LRRC17: variants seen among roughly 807,000 people sequenced by gnomAD.
The protein encoded by LRRC17 is leucine rich repeat containing 17.
In LRRC17, 33 loss-of-function variants were observed where a neutral mutation model predicts 41.5. That is an observed-to-expected ratio of 0.80 (90% CI 0.60 to 1.06). The LOEUF is 1.06. Ranked by LOEUF, LRRC17 falls within the 50% of genes least tolerant of loss-of-function variation. The pLI is 0.00. For synonymous variants in LRRC17, 192 were observed against 197.0 expected (o/e 0.97, Z 0.21); for missense variants, 491 against 519.3 (o/e 0.95, Z 0.53).
Position 102,937,265 on chromosome 7 carries a change from C to T in LRRC17, c.773-2165C>T, listed in dbSNP as rs145536631. On this transcript the variant is annotated intron_variant, in intron 2 of 3. Transcript: ENST00000339431. Reference sequence around the variant, plus strand: ...CTATAATCCCAGCACTTTGGGAGGCCGAGGCAGGTGGGACACTTGAGGTCA... The same window carrying T: ...CTATAATCCCAGCACTTTGGGAGGCTGAGGCAGGTGGGACACTTGAGGTCA... Among the ~76,000 whole-genome samples, 73 of 151,320 alleles carry T rather than the reference C, an allele frequency of 4.8e-4. 1 individual carries two copies. The East Asian group carries it at 0.011, about 23-fold the overall frequency.
At chr7:102,913,759 A>C (rs1815249610) in intron 1 of LRRC17, among the ~76,000 whole-genome samples, 1 of 152,228 alleles carries the variant, frequency 6.6e-6, no homozygotes. Context: ...AATAGGTTTA[A>C]ATATGCATGA....
intron 2 of LRRC17, 34 bp from the exon 3 acceptor site, chr7:102,939,396 A>G (rs1184076303): frequency 1.9e-6 from 3 of 1,568,972 alleles, no homozygotes; most frequent in Admixed American, 1.8e-5. Flanking sequence ...GGGCAAAAAG[A>G]GCATAATAAC....
In LRRC17 at chr7:102,944,725, A is replaced by C; in HGVS notation, c.*118A>C. 2.3e-6 allele frequency: 2 copies of C among 877,460 alleles called. No individual in the cohort carries two copies. The highest frequency in any genetic ancestry group is 3.4e-6 in the Non-Finnish European group (2 of 591,312). The allele number at this position is 877,460 out of a possible 1,614,324, so 54.4% of individuals were successfully genotyped here. A position where few individuals can be genotyped will look rare whatever the true frequency, so the allele number is the denominator to read the frequency against. ...TATGCAGGGTAATCCAGCTAAAGGA[A>C]GCTTTCTTTAATTATAAGTATTATT... On this transcript the variant is annotated 3_prime_UTR_variant, in exon 4 of 4. Transcript: ENST00000339431.
chr7:102,940,183 C>T (rs180812229), intron 3 of LRRC17, among the ~76,000 whole-genome samples: 2 of 150,928 alleles, frequency 1.3e-5, no homozygotes, highest in South Asian at 2.1e-4. Context: ...CATGAGCCAC[C>T]GCGCCTGGCC....
At chr7:102,933,668 C>G in intron 1 of LRRC17, 106 bp from the exon 2 acceptor site, 1 of 305,846 alleles carries the variant, frequency 3.3e-6, no homozygotes, top group Non-Finnish European at 6.0e-6. Context: ...CGTCACTGTT[C>G]TGTGGAACTA....
intron 1 of LRRC17, among the ~76,000 whole-genome samples, chr7:102,920,261 T>C (rs1169393983): frequency 6.6e-6 from 1 of 152,224 alleles, no homozygotes; most frequent in East Asian, 1.9e-4. Context: ...TACCTTCAGA[T>C]TATACAAGTA....
chr7:102,937,049 CTGCTTTAAAAA>C (rs943910876), intron 2 of LRRC17, among the ~76,000 whole-genome samples: 21 of 152,134 alleles, frequency 1.4e-4, no homozygotes, highest in Non-Finnish European at 2.4e-4. Context: ...TTCATACCCC[CTGCTTTAAAAA>C]TACACATTAT....
rs777298387 is a variant in LRRC17, at chr7:102,934,663, A to G, written c.750A>G (p.Gln250=). The part of the protein sequence containing the change: ...TFCHNYVFPI[Q]TLDCKRKELK... Reference sequence around the variant, plus strand: ...GCCACAATTATGTGTTTCCCATACAAACACTGGACTGCAAAAGGAAAGGTT... The same window carrying G: ...GCCACAATTATGTGTTTCCCATACAGACACTGGACTGCAAAAGGAAAGGTT... Residue 250 remains glutamine (Q), a synonymous_variant, in exon 2 of 4, where the codon CAA becomes CAG. Transcript: ENST00000339431. The G allele has an allele frequency of 2.5e-6, 4 of 1,590,730 alleles. No homozygotes were observed. Among genetic ancestry groups the G allele is most frequent in the Non-Finnish European group, 3.4e-6 (4 of 1,173,562 alleles).
At chr7:102,925,918 G>C (rs1319592235) in intron 1 of LRRC17, among the ~76,000 whole-genome samples, 4 of 149,110 alleles carry the variant, frequency 2.7e-5, no homozygotes, top group Non-Finnish European at 5.9e-5. Flanking sequence ...TGCAGCCTGG[G>C]CGACAGAGCA....
rs1006207284 is a variant in LRRC17, at chr7:102,919,083, T to A, written c.-141+5938T>A. The stretch of plus-strand genomic sequence containing the variant: ...AGCCAGCTTGCACAGCTCATGGGAG[T>A]TGATTGTTAGCATCTCTTCCCAACT... On this transcript the variant is annotated intron_variant, in intron 1 of 3. Transcript: ENST00000339431. 2.0e-5 allele frequency among the ~76,000 whole-genome samples: 3 copies of A among 152,066 alleles called. No homozygotes were observed. The East Asian group carries it at 5.8e-4, about 29-fold the overall frequency.
intron 1 of LRRC17, among the ~76,000 whole-genome samples, chr7:102,931,689 T>C (rs1240958072): frequency 6.6e-6 from 1 of 152,240 alleles, no homozygotes; most frequent in East Asian, 1.9e-4. Context: ...GCTCCAACAC[T>C]GAGCATACAT....
At chr7:102,935,344 C>T (rs960618283) in intron 2 of LRRC17, among the ~76,000 whole-genome samples, 33 of 146,114 alleles carry the variant, frequency 2.3e-4, no homozygotes, top group Admixed American at 1.6e-3. Flanking sequence ...CTCCACCTCC[C>T]GGGTTCGAGC....
chr7:102,942,446 A>C, intron 3 of LRRC17: 1 of 1,003,592 alleles, frequency 1.0e-6, no homozygotes, highest in East Asian at 2.8e-5. Flanking sequence ...AAGATACCCT[A>C]CTAGGGGGTT....
At chr7:102,928,954 C>T (rs148740719) in intron 1 of LRRC17, among the ~76,000 whole-genome samples, 3 of 152,244 alleles carry the variant, frequency 2.0e-5, no homozygotes, top group East Asian at 1.9e-4. Context: ...CCATTTCTTG[C>T]GGATGACCCT....
At chr7:102,940,327 A>G (rs1461455123) in intron 3 of LRRC17, among the ~76,000 whole-genome samples, 1 of 151,574 alleles carries the variant, frequency 6.6e-6, no homozygotes, top group Non-Finnish European at 1.5e-5. Context: ...CTCCTGCCTC[A>G]GCCTCCCAAG....
chr7:102,929,082 C>T (rs1818655192), intron 1 of LRRC17, among the ~76,000 whole-genome samples: 1 of 152,122 alleles, frequency 6.6e-6, no homozygotes, highest in African/African-American at 2.4e-5. Context: ...AGGGATTAAA[C>T]AACTAATTTA....
At chr7:102,940,249 T>G (rs1398809725) in intron 3 of LRRC17, among the ~76,000 whole-genome samples, 2 of 147,452 alleles carry the variant, frequency 1.4e-5, no homozygotes, top group African/African-American at 5.1e-5. Context: ...CTAGCTCTGT[T>G]GCCAGGCTGG....
intron 2 of LRRC17, among the ~76,000 whole-genome samples, chr7:102,935,238 C>CT (rs1563116555): frequency 2.4e-5 from 2 of 84,468 alleles, no homozygotes; most frequent in African/African-American, 4.7e-5. Flanking sequence ...TTTTTTTTTT[C>CT]TTTCTTTTTT....
In LRRC17 at chr7:102,934,018, G is replaced by A. The variant is rs377630961; in HGVS notation, c.105G>A (p.Ala35=). 2.2e-5 allele frequency: 36 copies of A among 1,614,038 alleles called. No individual in the cohort carries two copies. In the African/African-American group the frequency reaches 3.3e-4, roughly 15 times the overall value. Residue 35 remains alanine (A), a synonymous_variant, in exon 2 of 4, where the codon GCG becomes GCA. Coordinates refer to ENST00000339431, the MANE Select transcript of LRRC17 (RefSeq NM_001031692.3). ...SVRSRVNHGR[A]GGGRRGSNPV... ...GAAGCCGAGTGAATCATGGCCGGGC[G>A]GGTGGAGGCCGGAGAGGCTCCAACC...
Sources: gnomAD v4.1 joint callset for allele counts (sites outside exome capture counted in the v4.1 genomes callset) on GRCh38, gnomAD v4.1.1 for gene constraint, MANE v1.5 for transcripts, NCBI Gene and HGNC (gene_info 2026-07-23, HGNC 2026-07-21) for gene names.